Variants in SNRPA observed in about 807,000 individuals in gnomAD.
The protein encoded by SNRPA is U1 small nuclear ribonucleoprotein A.
SNRPA carries 10 observed loss-of-function variants against 24.5 expected under a neutral mutation model. The ratio of observed to expected loss-of-function variants is 0.41; its 90% CI spans 0.25 to 0.69. SNRPA has a LOEUF of 0.69. Among genes scored for constraint, SNRPA ranks in the 30% least tolerant of loss-of-function variants. The pLI is 0.33. For synonymous variants in SNRPA, 165 were observed against 148.4 expected, an observed-to-expected ratio of 1.11 and a Z score of -0.81; for missense variants, 283 against 394.7, an observed-to-expected ratio of 0.72 and a Z score of 2.40.
At chr19:40,756,126 G>A (rs530372346) in intron 1 of SNRPA, among the ~76,000 whole-genome samples, 12 of 152,160 alleles carry the variant, frequency 7.9e-5, no homozygotes, top group Admixed American at 1.3e-4. Flanking sequence ...AAAATTAGCC[G>A]TGCGTCGTGC....
At chr19:40,764,902 C>T in intron 5 of SNRPA, 106 bp from the exon 6 acceptor site, 1 of 1,102,854 alleles carries the variant, frequency 9.1e-7, no homozygotes, top group Non-Finnish European at 1.3e-6. Flanking sequence ...TGGGGCCCTG[C>T]CCTGTGCATT....
chr19:40,753,273 G>C (rs904536608), intron 1 of SNRPA, among the ~76,000 whole-genome samples: 1 of 148,220 alleles, frequency 6.7e-6, no homozygotes, highest in Non-Finnish European at 1.5e-5. Flanking sequence ...AGAATCACTT[G>C]AACCCTGGGA....
intron 1 of SNRPA, 22 bp downstream of exon 1, chr19:40,751,503 G>A: frequency 1.9e-6 from 3 of 1,567,960 alleles, no homozygotes; most frequent in Non-Finnish European, 2.6e-6. Context: ...GGATAGTCCG[G>A]AGTCCAGACT....
Position 40,762,982 on chromosome 19 carries a change from A to G in SNRPA, c.508A>G (p.Ile170Val). The G allele has an allele frequency of 6.2e-7, 1 of 1,612,300 alleles. No homozygotes were observed. Residue 170 changes from isoleucine to valine, a missense_variant, in exon 4 of 6, where the codon ATC (isoleucine) becomes GTC (valine). Coordinates refer to ENST00000243563, the MANE Select transcript of SNRPA (RefSeq NM_004596.5). ...QPPYMPPPGMIPPPGLAPGQI... is the reference protein window; with the variant it reads ...QPPYMPPPGMVPPPGLAPGQI... ...GCCCTACATGCCGCCCCCTGGTATGATCCCCCCGCCAGGCCTTGCACCTGG... is the reference window on the plus strand; with the variant it reads ...GCCCTACATGCCGCCCCCTGGTATGGTCCCCCCGCCAGGCCTTGCACCTGG...
At chr19:40,762,165 G>A (rs1027203740) in intron 3 of SNRPA, among the ~76,000 whole-genome samples, 2 of 152,066 alleles carry the variant, frequency 1.3e-5, no homozygotes, top group African/African-American at 2.4e-5. Context: ...GCTGCCACGC[G>A]TTTTGTTCTG....
At chr19:40,759,670 T>A in intron 3 of SNRPA, 60 bp downstream of exon 3, 6 of 1,490,302 alleles carry the variant, frequency 4.0e-6, no homozygotes, top group Non-Finnish European at 5.4e-6. Flanking sequence ...CCACATGGAC[T>A]GGCTTTGGGA....
At chr19:40,759,341 C>T in intron 2 of SNRPA, 90 bp from the exon 3 acceptor site, 2 of 1,275,714 alleles carry the variant, frequency 1.6e-6, no homozygotes, top group Middle Eastern at 4.0e-4. Flanking sequence ...TGAGCCGCAG[C>T]ACCTGGCCCC....
chr19:40,760,654 C>A (rs1208389418), intron 3 of SNRPA, among the ~76,000 whole-genome samples: 1 of 152,180 alleles, frequency 6.6e-6, no homozygotes, highest in African/African-American at 2.4e-5. Context: ...GCTCCAGCAA[C>A]CAGGCCAGGC....
chr19:40,751,604 C>CT, intron 1 of SNRPA, 123 bp downstream of exon 1: 1 of 763,636 alleles, frequency 1.3e-6, no homozygotes, highest in South Asian at 1.4e-5. Context: ...ACTCCTTGGC[C>CT]TTTACACAAA....
At chr19:40,759,100 AG>A (rs2082920341) in intron 2 of SNRPA, among the ~76,000 whole-genome samples, 1 of 150,068 alleles carries the variant, frequency 6.7e-6, no homozygotes, top group African/African-American at 2.4e-5. Flanking sequence ...CCCAGCTAGT[AG>A]GGAGGCTGAG....
At chr19:40,757,583 G>C in intron 2 of SNRPA, 79 bp downstream of exon 2, 1 of 1,326,640 alleles carries the variant, frequency 7.5e-7, no homozygotes, top group Non-Finnish European at 1.0e-6. Flanking sequence ...TAGAGGAGGG[G>C]ATATTACGGT....
intron 4 of SNRPA, 127 bp from the exon 5 acceptor site, chr19:40,763,460 G>A (rs4803365): frequency 0.025 from 19,385 of 774,582 alleles, 308 homozygotes; most frequent in African/African-American, 0.054. Flanking sequence ...ACAACAATAT[G>A]TGGTATGTTG....
Position 40,751,469 on chromosome 19 carries a change from A to T in SNRPA, c.61A>T (p.Ile21Phe). ...TIYINNLNEKIKKDELKKSLY... is the reference protein window; with the variant it reads ...TIYINNLNEKFKKDELKKSLY... ...TTATATCAACAACCTCAATGAGAAG[A>T]TCAAGAAGGATGGTGAGTTCTCGGG... The change falls in exon 1 of 6, where the codon ATC becomes TTC. Residue 21 changes from isoleucine (I) to phenylalanine (F), a missense_variant. By Grantham distance (21) the Ile-to-Phe change is conservative (BLOSUM62 0). This residue lies in a region of SNRPA where 32 missense variants were observed against 26.8 expected (regional missense o/e 1.19). Coordinates refer to ENST00000243563, the MANE Select transcript of SNRPA (RefSeq NM_004596.5). The T allele has an allele frequency of 6.2e-7, 1 of 1,612,634 alleles. No individual in the cohort carries two copies. Among genetic ancestry groups the T allele is most frequent in the Non-Finnish European group, 8.5e-7 (1 of 1,178,860 alleles).
At chr19:40,759,368 T>C (rs997268321) in intron 2 of SNRPA, 63 bp from the exon 3 acceptor site, 32 of 1,492,456 alleles carry the variant, frequency 2.1e-5, no homozygotes, top group Non-Finnish European at 2.8e-5. Context: ...AGGTCCAATT[T>C]TGAATCTTGG....
chr19:40,751,211 A>T lies in SNRPA; in HGVS notation c.-198A>T, dbSNP rs2082854354. ...TAAATCTCTCGAGAGTTCTCTCCGC[A>T]CGCGGGCTGGAGAAGCGGGTCCTAC... is the stretch of plus-strand genomic sequence containing the variant. On this transcript the variant is annotated 5_prime_UTR_variant, in exon 1 of 6. Transcript: ENST00000243563. 1.2e-5 allele frequency: 7 copies of T among 604,140 alleles called. No individual in the cohort carries two copies. The highest frequency in any genetic ancestry group is 9.3e-5 in the South Asian group (5 of 53,556). The allele number at this position is 604,140 out of a possible 1,614,324, so 37.4% of individuals were successfully genotyped here. A position where few individuals can be genotyped will look rare whatever the true frequency, so the allele number is the denominator to read the frequency against.
At chr19:40,759,639 C>G in intron 3 of SNRPA, 29 bp downstream of exon 3, 1 of 1,573,446 alleles carries the variant, frequency 6.4e-7, no homozygotes, top group Non-Finnish European at 8.6e-7. Context: ...ACCAACCCTC[C>G]CACTGCCAGA....
chr19:40,763,459 T>C, intron 4 of SNRPA, 128 bp from the exon 5 acceptor site: 1 of 768,998 alleles, frequency 1.3e-6, no homozygotes, highest in South Asian at 1.5e-5. Flanking sequence ...GACAACAATA[T>C]GTGGTATGTT....
At chr19:40,761,651 G>C (rs2082933391) in intron 3 of SNRPA, among the ~76,000 whole-genome samples, 2 of 151,514 alleles carry the variant, frequency 1.3e-5, no homozygotes. Context: ...ATTTTTAGTA[G>C]AGATGGGGTT....
chr19:40,752,793 ACT>A lies in SNRPA; in HGVS notation c.73+1318_73+1319del, dbSNP rs2082888275. 1.4e-4 allele frequency among the ~76,000 whole-genome samples: 21 copies of A among 151,748 alleles called. No homozygotes were observed. In the South Asian group the frequency reaches 3.1e-3, roughly 23 times the overall value. On this transcript the variant is annotated intron_variant, in intron 1 of 5. Coordinates refer to ENST00000243563, the MANE Select transcript of SNRPA (RefSeq NM_004596.5). ...GAACTCAATTATTGAAATCGGAAAG[ACT>A]CTCTCACATTCTCAAGTAAATTATC...
Sources: allele counts gnomAD v4.1 joint callset (sites outside exome capture counted in the v4.1 genomes callset), GRCh38; gene constraint gnomAD v4.1.1; regional missense constraint gnomAD v4.1.1; transcripts MANE v1.5; gene names NCBI Gene and HGNC (gene_info 2026-07-23, HGNC 2026-07-21).